CYREN: variants seen among roughly 807,000 people sequenced by gnomAD.
CYREN encodes the protein cell cycle regulator of non-homologous end joining.
CYREN carries 7 observed loss-of-function variants against 9.7 expected under a neutral mutation model. The ratio of observed to expected loss-of-function variants is 0.72; its 90% CI spans 0.41 to 1.36. The LOEUF (loss-of-function observed/expected upper bound fraction) is 1.36. Ranked by LOEUF, CYREN falls within the 40% of genes most tolerant of loss-of-function variation. CYREN has a pLI of 0.01. For missense variants in CYREN, 215 were observed against 198.1 expected (o/e 1.09, Z -0.51); for synonymous variants, 76 against 77.9 (o/e 0.98, Z 0.13).
downstream of CYREN, chr7:135,165,138 C>T: frequency 7.7e-6 from 8 of 1,042,710 alleles, no homozygotes; most frequent in South Asian, 1.5e-4. Context: ...GCCCCTGTGT[C>T]AAAGAGGCCG....
downstream of CYREN, chr7:135,164,706 G>A (rs143180494): frequency 6.5e-5 from 105 of 1,614,200 alleles, no homozygotes; most frequent in Non-Finnish European, 5.4e-5. Context: ...TGGCGTGTAC[G>A]GGTCCCTGGT....
chr7:135,165,210 G>T, downstream of CYREN: 2 of 535,322 alleles, frequency 3.7e-6, no homozygotes, highest in Non-Finnish European at 3.4e-6. Context: ...CTGTCCTTCA[G>T]GACTTCCAAG....
chr7:135,147,910 T>G (rs572581033), intron 2 of CYREN: 1 of 455,926 alleles, frequency 2.2e-6, no homozygotes, highest in East Asian at 6.9e-5. Context: ...TTTAAATCAG[T>G]TGGTTTGCCG....
At chr7:135,128,672 A>T (rs62479729) in intron 2 of CYREN, 598,227 of 1,166,576 alleles carry the variant, frequency 0.51, 157,405 homozygotes, top group South Asian at 0.66. Flanking sequence ...AGACCCTAGT[A>T]TACCTGAATA....
At chr7:135,146,647 G>C (rs1264788612) in intron 2 of CYREN, among the ~76,000 whole-genome samples, 1 of 152,180 alleles carries the variant, frequency 6.6e-6, no homozygotes, top group Non-Finnish European at 1.5e-5. Flanking sequence ...CATACTTCTG[G>C]AACATGCAGT....
chr7:135,116,899 G>C (rs544831447), intron 2 of CYREN, among the ~76,000 whole-genome samples: 2 of 152,240 alleles, frequency 1.3e-5, no homozygotes, highest in South Asian at 2.1e-4. Context: ...GCATGTGTCT[G>C]GGCACATTTG....
chr7:135,096,318 G>A (rs533224709), intron 2 of CYREN, among the ~76,000 whole-genome samples: 1 of 150,224 alleles, frequency 6.7e-6, no homozygotes, highest in Non-Finnish European at 1.5e-5. Flanking sequence ...TGGCCCAAAT[G>A]TCACCAAAAA....
intron 2 of CYREN, among the ~76,000 whole-genome samples, chr7:135,125,679 C>CA (rs1827777733): frequency 6.6e-6 from 1 of 152,278 alleles, no homozygotes; most frequent in East Asian, 1.9e-4. Flanking sequence ...AGCAGCATAT[C>CA]AAAAAACGTA....
intron 2 of CYREN, among the ~76,000 whole-genome samples, chr7:135,110,720 G>A (rs1423454664): frequency 3.3e-5 from 5 of 152,144 alleles, no homozygotes; most frequent in Admixed American, 2.6e-4. Flanking sequence ...AAGGTGTTGT[G>A]TTCACTCACT....
At chr7:135,116,894 T>G (rs532443337) in intron 2 of CYREN, among the ~76,000 whole-genome samples, 2 of 152,196 alleles carry the variant, frequency 1.3e-5, no homozygotes, top group Non-Finnish European at 2.9e-5. Context: ...TTTGTGCATG[T>G]GTCTGGGCAC....
intron 2 of CYREN, among the ~76,000 whole-genome samples, chr7:135,149,671 T>C (rs1018780829): frequency 6.6e-5 from 10 of 152,230 alleles, no homozygotes; most frequent in Non-Finnish European, 1.2e-4. Flanking sequence ...TTTAACCATA[T>C]TTTTGGTATC....
intron 2 of CYREN, among the ~76,000 whole-genome samples, chr7:135,098,548 T>C (rs1823274473): frequency 1.3e-5 from 2 of 152,310 alleles, no homozygotes; most frequent in African/African-American, 2.4e-5. Context: ...CTGTATTCCA[T>C]GCTGAAAACA....
In CYREN at chr7:135,100,549, C is replaced by T. The variant is rs117734279; in HGVS notation, n.357-5967G>A. ...TGGTATATCCTCTCTTCCTTCCTGG[C>T]TTCTCTTCTAAGAACTCAGTTTCTG... On this transcript the variant is annotated intron_variant and non_coding_transcript_variant, in intron 2 of 2. Transcript: ENST00000459937. Among the ~76,000 whole-genome samples the T allele has an allele frequency of 4.8e-3, 724 of 152,236 alleles. 23 individuals are homozygous for T. In the East Asian group the frequency reaches 0.057, roughly 12 times the overall value.
chr7:135,105,610 A>G (rs1824583978), intron 2 of CYREN, among the ~76,000 whole-genome samples: 1 of 152,192 alleles, frequency 6.6e-6, no homozygotes, highest in African/African-American at 2.4e-5. Context: ...TTTGTACAGT[A>G]CCATGCTGTT....
At chr7:135,171,419 A>C (rs1205310310), upstream of CYREN, among the ~76,000 whole-genome samples, 1 of 152,084 alleles carries the variant, frequency 6.6e-6, no homozygotes, top group Non-Finnish European at 1.5e-5. Flanking sequence ...AGTAGTTAAA[A>C]ATCAACTCAT....
chr7:135,144,183 A>T (rs532008752), intron 2 of CYREN, among the ~76,000 whole-genome samples: 3 of 152,296 alleles, frequency 2.0e-5, no homozygotes, highest in Non-Finnish European at 4.4e-5. Context: ...TTCTCCAGCT[A>T]CTTCATAGTG....
chr7:135,102,497 T>C (rs1243320194), intron 2 of CYREN, among the ~76,000 whole-genome samples: 1 of 152,180 alleles, frequency 6.6e-6, no homozygotes, highest in Non-Finnish European at 1.5e-5. Flanking sequence ...CATCTCAAAA[T>C]ATGCACCACA....
At chr7:135,137,423 G>A (rs1263781022) in intron 2 of CYREN, among the ~76,000 whole-genome samples, 5 of 151,886 alleles carry the variant, frequency 3.3e-5, no homozygotes, top group South Asian at 2.1e-4. Context: ...GGTATGTAAC[G>A]TGTAATGGGA....
At chr7:135,165,314 G>A (rs1830065786), downstream of CYREN, 1 of 266,140 alleles carries the variant, frequency 3.8e-6, no homozygotes, top group Admixed American at 4.9e-5. Flanking sequence ...AGCTTCAGGA[G>A]GGTGGGGAGG....
Sources: allele counts gnomAD v4.1 joint callset (sites outside exome capture counted in the v4.1 genomes callset), GRCh38; gene constraint gnomAD v4.1.1; transcripts MANE v1.5; gene names NCBI Gene and HGNC (gene_info 2026-07-23, HGNC 2026-07-21).